Variants in PRDM15 observed in about 807,000 individuals in gnomAD.
PRDM15 encodes PR domain zinc finger protein 15.
Under a neutral mutation model 128.6 loss-of-function variants are expected in PRDM15, and 64 were observed. The observed-to-expected ratio is 0.50, with a 90% CI of 0.41 to 0.61. PRDM15 has a LOEUF of 0.61. Ranked by LOEUF, PRDM15 falls within the 20% of genes least tolerant of loss-of-function variation. The probability of loss-of-function intolerance (pLI) is 0.00; values close to 1 mark genes in which losing one functional copy is unlikely to be tolerated. For synonymous variants in PRDM15, 615 were observed against 621.8 expected, an observed-to-expected ratio of 0.99 and a Z score of 0.16; for missense variants, 1,242 against 1,569.1, an observed-to-expected ratio of 0.79 and a Z score of 3.52.
Position 41,802,836 on chromosome 21 carries a change from G to A in PRDM15, c.2819C>T (p.Pro940Leu). The A allele has an allele frequency of 6.2e-7, 1 of 1,614,176 alleles. No individual in the cohort carries two copies. The highest frequency in any genetic ancestry group is 8.5e-7 in the Non-Finnish European group (1 of 1,180,030). ...CACCGGAGCACCCGCCTCCTCTTCT[G>A]GCTTCTGCTTTCTCTTGTGACTTCG... is the stretch of plus-strand genomic sequence containing the variant. Reference protein sequence around the residue: ...AKRSHKRKQKPEEEAGAPVPE... With the variant: ...AKRSHKRKQKLEEEAGAPVPE... The change falls in exon 23 of 24, where the codon CCA (proline) becomes CTA (leucine). Residue 940 changes from proline to leucine, a missense_variant. Pro to Leu is a moderately conservative substitution (Grantham distance 98, BLOSUM62 -3). Coordinates refer to ENST00000398548, the MANE Select transcript of PRDM15 (RefSeq NM_001040424.3).
intron 1 of PRDM15, among the ~76,000 whole-genome samples, chr21:41,873,289 G>A (rs532172391): frequency 4.6e-5 from 7 of 152,134 alleles, no homozygotes; most frequent in Non-Finnish European, 1.0e-4. Flanking sequence ...GGCGCATGGG[G>A]GTATATCTTG....
intron 16 of PRDM15, 138 bp downstream of exon 16, chr21:41,820,928 GC>G: frequency 9.1e-7 from 1 of 1,098,582 alleles, no homozygotes. Context: ...GCCCTGCTGC[GC>G]CCCCAGCTCT....
intron 8 of PRDM15, among the ~76,000 whole-genome samples, chr21:41,837,097 T>C (rs964060499): frequency 6.6e-6 from 1 of 152,168 alleles, no homozygotes; most frequent in African/African-American, 2.4e-5. Flanking sequence ...TATAAATAAA[T>C]AAACAGGTAA....
chr21:41,843,413 G>C (rs1277509072), intron 6 of PRDM15, among the ~76,000 whole-genome samples: 2 of 152,112 alleles, frequency 1.3e-5, no homozygotes, highest in Non-Finnish European at 2.9e-5. Context: ...ACAGCAACCT[G>C]GGCATTCCCT....
chr21:41,859,159 G>C lies in PRDM15; in HGVS notation c.131+433C>G, dbSNP rs962382913. On this transcript the variant is annotated intron_variant, in intron 3 of 23. Transcript: ENST00000398548. This position sits in a 1 kb window ranked among gnomAD's most constrained non-coding sequence, Gnocchi z 5.3. ...CTGGAAGCTGCTGTGGGTCAGCCCT[G>C]TCCCTGTCCTCATAACCCCGCATCC... 1.2e-6 allele frequency: 2 copies of C among 1,613,770 alleles called. No homozygotes were observed. Among genetic ancestry groups the C allele is most frequent in the Non-Finnish European group, 1.7e-6 (2 of 1,179,988 alleles).
intron 17 of PRDM15, 131 bp downstream of exon 17, chr21:41,819,964 G>T: frequency 2.4e-6 from 2 of 839,676 alleles, no homozygotes; most frequent in Non-Finnish European, 3.8e-6. Context: ...AAAAGCTGGA[G>T]AAACAGAGGA....
Position 41,878,929 on chromosome 21 carries a change from G to A in PRDM15, c.-10+341C>T, listed in dbSNP as rs1470696921. The A allele has an allele frequency of 1.7e-4, 162 of 952,920 alleles. 2 individuals carry two copies. The African/African-American group carries it at 2.6e-3, about 15-fold the overall frequency. The allele number at this position is 952,920 out of a possible 1,614,324, so 59.0% of individuals were successfully genotyped here. On this transcript the variant is annotated intron_variant, in intron 1 of 23. Coordinates refer to ENST00000398548, the MANE Select transcript of PRDM15 (RefSeq NM_001040424.3). ...CCCCGCGCTGGGCCTGGCCGCGGGC[G>A]GGCGGGGGGCGCGAGGCAGGGGACG...
intron 1 of PRDM15, among the ~76,000 whole-genome samples, chr21:41,866,813 G>C (rs1028219663): frequency 6.6e-6 from 1 of 152,102 alleles, no homozygotes; most frequent in Admixed American, 6.6e-5. Context: ...GGGTGCGACC[G>C]GGGCCTGCAC....
chr21:41,819,467 C>G, intron 18 of PRDM15, 115 bp downstream of exon 18: 1 of 608,034 alleles, frequency 1.6e-6, no homozygotes, highest in Non-Finnish European at 2.6e-6. Flanking sequence ...CCGGCCCCCG[C>G]CCCCGCCACA....
chr21:41,861,867 GA>G (rs1312972477), intron 1 of PRDM15: 1 of 1,579,486 alleles, frequency 6.3e-7, no homozygotes, highest in Non-Finnish European at 8.7e-7. Context: ...ATAACAAGGG[GA>G]GGGGGGTGAA....
rs1223152904 is a variant in PRDM15 at position 41,801,719 on chromosome 21, C to G, written c.2947G>C (p.Val983Leu). ...NSAVQSIQQV[V>L]VTLGDPNVTT... is the part of the protein sequence containing the mutation. Reference sequence around the variant, plus strand: ...ACATTTGGGTCACCCAGGGTCACCACTACCTGGAAGATTCACACACAACAA... The same window carrying G: ...ACATTTGGGTCACCCAGGGTCACCAGTACCTGGAAGATTCACACACAACAA... The change falls in exon 24 of 24, where the codon GTG (valine) becomes CTG (leucine). Residue 983 changes from valine to leucine, a missense_variant. Val to Leu is a conservative substitution (Grantham distance 32, BLOSUM62 1). Coordinates refer to ENST00000398548, the MANE Select transcript of PRDM15 (RefSeq NM_001040424.3). The G allele has an allele frequency of 6.2e-7, 1 of 1,609,734 alleles. No homozygotes were observed. The highest frequency in any genetic ancestry group is 1.7e-5 in the Admixed American group (1 of 59,926).
At chr21:41,804,108 C>T (rs2061492569) in intron 22 of PRDM15, among the ~76,000 whole-genome samples, 2 of 151,922 alleles carry the variant, frequency 1.3e-5, no homozygotes, top group African/African-American at 4.8e-5. Flanking sequence ...GGATTACAGG[C>T]GTGCACTACC....
rs570422718 is a variant in PRDM15 at position 41,857,378 on chromosome 21, G to T, written c.132-49C>A. The stretch of plus-strand genomic sequence containing the variant: ...TCAAAAGAGAGCACTCACACCCAGG[G>T]ACCGACTCGTTAAGATAACCTAAAA... On this transcript the variant is annotated intron_variant, in intron 3 of 23. Coordinates refer to ENST00000398548, the MANE Select transcript of PRDM15 (RefSeq NM_001040424.3). 2.5e-6 allele frequency: 4 copies of T among 1,599,470 alleles called. No individual in the cohort carries two copies. The Admixed American group carries it at 5.0e-5, about 20-fold the overall frequency.
chr21:41,875,840 A>G (rs1311975442), intron 1 of PRDM15, among the ~76,000 whole-genome samples: 1 of 152,226 alleles, frequency 6.6e-6, no homozygotes, highest in East Asian at 1.9e-4. Flanking sequence ...TCACCGCAGT[A>G]CACTCGTGTG....
At position 41,828,120 on chromosome 21, in the gene PRDM15, A is replaced by G; in HGVS notation, c.1534+46T>C. 3 of 1,602,974 alleles carry G rather than the reference A, an allele frequency of 1.9e-6. No individual in the cohort carries two copies. Among genetic ancestry groups the G allele is most frequent in the Non-Finnish European group, 2.6e-6 (3 of 1,175,340 alleles). ...TCCATGCCGCCCTGCCCCACCCCGC[A>G]GGAGCTGCCTCTCCCCGCCCGCAGC... On this transcript the variant is annotated intron_variant, in intron 12 of 23. Coordinates refer to ENST00000398548, the MANE Select transcript of PRDM15 (RefSeq NM_001040424.3). The surrounding 1 kb of genome is among the most constrained non-coding windows in gnomAD (Gnocchi z 5.7).
At chr21:41,873,896 G>A (rs147631071) in intron 1 of PRDM15, among the ~76,000 whole-genome samples, 301 of 152,048 alleles carry the variant, frequency 2.0e-3, no homozygotes, top group African/African-American at 7.0e-3. Context: ...AAACACAAAA[G>A]TTAGCCAGGC....
At chr21:41,826,358 T>C (rs114539257) in intron 12 of PRDM15, among the ~76,000 whole-genome samples, 251 of 152,308 alleles carry the variant, frequency 1.6e-3, no homozygotes, top group African/African-American at 5.7e-3. Flanking sequence ...TAAATGTTCC[T>C]AGGTGGCAGA....
At chr21:41,855,753 C>T (rs187925330) in intron 4 of PRDM15, among the ~76,000 whole-genome samples, 4 of 152,326 alleles carry the variant, frequency 2.6e-5, no homozygotes, top group Non-Finnish European at 4.4e-5. Context: ...AAAGGGGCCT[C>T]GCCCCCAACC....
rs1183591997 is a variant in PRDM15, at chr21:41,828,915, C to T, written c.1367-582G>A. ...CAATCACACACCACACAAATACAAA[C>T]ACACTCAACACACACCCCCCACACA... On this transcript the variant is annotated intron_variant, in intron 11 of 23. Transcript: ENST00000398548. The surrounding 1 kb of genome is among the most constrained non-coding windows in gnomAD (Gnocchi z 5.7). Among the ~76,000 whole-genome samples the T allele has an allele frequency of 6.6e-6, 1 of 151,550 alleles. No individual in the cohort carries two copies. Among genetic ancestry groups the T allele is most frequent in the Non-Finnish European group, 1.5e-5 (1 of 67,904 alleles).
Sources: gnomAD v4.1 joint callset for allele counts (sites outside exome capture counted in the v4.1 genomes callset) on GRCh38, gnomAD v4.1.1 for gene constraint, Gnocchi (gnomAD v3.1) non-coding constraint, MANE v1.5 for transcripts, NCBI Gene and HGNC (gene_info 2026-07-23, HGNC 2026-07-21) for gene names.